CFAP100: variants seen among roughly 807,000 people sequenced by gnomAD.
The protein encoded by CFAP100 is cilia and flagella associated protein 100, also known as cilia- and flagella-associated protein 100.
Under a neutral mutation model 81.5 loss-of-function variants are expected in CFAP100, and 70 were observed. The observed-to-expected ratio is 0.86, with a 90% confidence interval of 0.71 to 1.05. The LOEUF (loss-of-function observed/expected upper bound fraction) is 1.05. CFAP100 is among the 50% of genes least tolerant of loss of function. CFAP100 has a pLI of 0.00. For synonymous variants in CFAP100, 341 were observed against 314.8 expected, an observed-to-expected ratio of 1.08 and a Z score of -0.88; for missense variants, 811 against 776.5, an observed-to-expected ratio of 1.04 and a Z score of -0.53.
chr3:126,405,663 A>AAAATAAAT (rs373212897), intron 2 of CFAP100, among the ~76,000 whole-genome samples: 18,018 of 151,804 alleles, frequency 0.12, 1,425 homozygotes, highest in Non-Finnish European at 0.19. Context: ...ATGCCATCTC[A>AAAATAAAT]AAATAAATAA....
intron 4 of CFAP100, among the ~76,000 whole-genome samples, chr3:126,415,295 C>T (rs1427574158): frequency 6.6e-6 from 1 of 151,488 alleles, no homozygotes; most frequent in Non-Finnish European, 1.5e-5. Flanking sequence ...CCATACCCTC[C>T]CCCACCCAAC....
Position 126,416,365 on chromosome 3 carries a change from C to A in CFAP100, c.275C>A (p.Ser92Tyr). Residue 92 changes from serine (S) to tyrosine (Y), a missense_variant, in exon 5 of 17, where the codon TCC becomes TAC. By Grantham distance (144) the Ser-to-Tyr change is moderately radical. Transcript: ENST00000352312. ...TMRVHQKMTYSSKVSAKHTSL... is the reference protein window; with the variant it reads ...TMRVHQKMTYYSKVSAKHTSL... ...CGGGTGCACCAGAAGATGACCTACTCCTCGAAAGTGTCGGCTAAGCACACC... is the reference window on the plus strand; with the variant it reads ...CGGGTGCACCAGAAGATGACCTACTACTCGAAAGTGTCGGCTAAGCACACC... 2 of 1,611,072 alleles carry A rather than the reference C, an allele frequency of 1.2e-6. No homozygotes were observed. The highest frequency in any genetic ancestry group is 2.2e-5 in the South Asian group (2 of 90,826).
chr3:126,414,245 GC>G, intron 4 of CFAP100, 66 bp downstream of exon 4: 1 of 1,135,422 alleles, frequency 8.8e-7, no homozygotes, highest in Non-Finnish European at 1.3e-6. Flanking sequence ...TCCTGGAGTG[GC>G]CACATTGCCC....
chr3:126,433,046 C>G (rs1319080788), intron 13 of CFAP100, 23 bp from the exon 14 acceptor site: 1 of 1,613,526 alleles, frequency 6.2e-7, no homozygotes, highest in South Asian at 1.1e-5. Context: ...GACTGATGCC[C>G]TGCCGGTTTT....
chr3:126,412,307 TGGACATGCCG>T (rs2083170820), intron 3 of CFAP100, among the ~76,000 whole-genome samples: 1 of 152,292 alleles, frequency 6.6e-6, no homozygotes, highest in African/African-American at 2.4e-5. Flanking sequence ...TGGGCCCACC[TGGACATGCCG>T]GGACAGTTTC....
In CFAP100 at chr3:126,418,654, C is replaced by T. The variant is rs142359829; in HGVS notation, c.530C>T (p.Thr177Met). The T allele has an allele frequency of 2.3e-4, 366 of 1,585,882 alleles. No individual in the cohort carries two copies. The highest frequency in any genetic ancestry group is 2.8e-4 in the Non-Finnish European group (330 of 1,167,510). ...CGGAGAGAGATCCAGCGGCTGGAGACGCTGGCGACCAAAGAGGAGGCCAGG... is the reference window on the plus strand; with the variant it reads ...CGGAGAGAGATCCAGCGGCTGGAGATGCTGGCGACCAAAGAGGAGGCCAGG... Reference protein sequence around the residue: ...VKRREIQRLETLATKEEARLE... With the variant: ...VKRREIQRLEMLATKEEARLE... The change falls in exon 7 of 17, where the codon ACG (threonine) becomes ATG (methionine). Residue 177 changes from threonine (T) to methionine (M), a missense_variant. Thr to Met is a moderately conservative substitution (Grantham distance 81). Coordinates refer to ENST00000352312, the MANE Select transcript of CFAP100 (RefSeq NM_182628.3).
chr3:126,410,574 T>C (rs1295157348), intron 3 of CFAP100, among the ~76,000 whole-genome samples: 1 of 152,090 alleles, frequency 6.6e-6, no homozygotes, highest in Non-Finnish European at 1.5e-5. Flanking sequence ...CCATCTCGGC[T>C]CACTGCAGCC....
chr3:126,433,873 T>TGGGGTGCCC (rs1262909354), intron 14 of CFAP100: 1 of 385,298 alleles, frequency 2.6e-6, no homozygotes, highest in African/African-American at 2.0e-5. Flanking sequence ...CATAGCCCTG[T>TGGGGTGCCC]GGGGTGCCCA....
chr3:126,418,535 G>A lies in CFAP100; in HGVS notation c.486+10G>A, dbSNP rs199713034. ...AATGTTCCTCCTCCAGGTAGGTCCC[G>A]TGGCCCCCAGAGCGATGGATGCCAG... On this transcript the variant is annotated intron_variant, in intron 6 of 16. Transcript: ENST00000352312. 148 of 1,614,016 alleles carry A rather than the reference G, an allele frequency of 9.2e-5. 1 individual carries two copies. The East Asian group carries it at 1.9e-3, about 20-fold the overall frequency.
intron 13 of CFAP100, among the ~76,000 whole-genome samples, chr3:126,425,891 A>G (rs1011693159): frequency 2.6e-5 from 4 of 152,238 alleles, no homozygotes; most frequent in African/African-American, 9.6e-5. Context: ...AATGTGGAAT[A>G]GAAGGGAATT....
rs1023167112 is a variant in CFAP100, at chr3:126,416,319, C to T, written c.229C>T (p.Arg77Trp). The T allele has an allele frequency of 5.1e-6, 8 of 1,581,300 alleles. No individual in the cohort carries two copies. The highest frequency in any genetic ancestry group is 6.0e-6 in the Non-Finnish European group (7 of 1,158,830). Reference protein sequence around the residue: ...DQERNKALSERQQQKTMRVHQ... With the variant: ...DQERNKALSEWQQQKTMRVHQ... ...CGACTTGGCCCGACGCCCCCAGGAA[C>T]GGCAGCAGCAGAAGACGATGCGGGT... The change falls in exon 5 of 17, where the codon CGG becomes TGG. Residue 77 changes from arginine (R) to tryptophan (W), a missense_variant. Arg to Trp is a moderately radical substitution (Grantham distance 101, BLOSUM62 -3). Coordinates refer to ENST00000352312, the MANE Select transcript of CFAP100 (RefSeq NM_182628.3).
rs777930434 is a variant in CFAP100, at chr3:126,423,395, G to A, written c.1134+19G>A. Reference sequence around the variant, plus strand: ...TGGGGAGGTGAATGGCCCAGTGCTGGGCTGGAATTCGGAAGTCGCCCCTCT... The same window carrying A: ...TGGGGAGGTGAATGGCCCAGTGCTGAGCTGGAATTCGGAAGTCGCCCCTCT... On this transcript the variant is annotated intron_variant, in intron 12 of 16. Coordinates refer to ENST00000352312, the MANE Select transcript of CFAP100 (RefSeq NM_182628.3). 1 of 1,612,454 alleles carries A rather than the reference G, an allele frequency of 6.2e-7. No individual in the cohort carries two copies. The highest frequency in any genetic ancestry group is 8.5e-7 in the Non-Finnish European group (1 of 1,179,118).
Position 126,419,725 on chromosome 3 carries a change from G to C in CFAP100, c.820G>C (p.Glu274Gln). Residue 274 changes from glutamate (E) to glutamine (Q), a missense_variant, in exon 9 of 17, where the codon GAA becomes CAA. Coordinates refer to ENST00000352312, the MANE Select transcript of CFAP100 (RefSeq NM_182628.3). ...GCTGTCGCCCAAGGAGTGGCTTGAA[G>C]AACAGGAAAAGAAACACTCGTTTCT... ...YKLSPKEWLE[E>Q]QEKKHSFLKK... The C allele has an allele frequency of 1.2e-6, 2 of 1,614,074 alleles. No individual in the cohort carries two copies. The highest frequency in any genetic ancestry group is 1.7e-6 in the Non-Finnish European group (2 of 1,180,042).
Position 126,418,717 on chromosome 3 carries a change from C to T in CFAP100, c.593C>T (p.Ala198Val). The T allele has an allele frequency of 1.9e-6, 3 of 1,594,166 alleles. No homozygotes were observed. The highest frequency in any genetic ancestry group is 2.6e-6 in the Non-Finnish European group (3 of 1,170,870). ...RAEKSLEKDA[A>V]LFDEFVREND... ...GAGAAATCCCTGGAGAAGGACGCCG[C>T]CTTGTTCGACGAGTTCGTCAGGGAG... The change falls in exon 7 of 17, where the codon GCC (alanine) becomes GTC (valine). Residue 198 changes from alanine (A) to valine (V), a missense_variant. Coordinates refer to ENST00000352312, the MANE Select transcript of CFAP100 (RefSeq NM_182628.3).
At chr3:126,404,539 G>A (rs1038915362) in intron 2 of CFAP100, among the ~76,000 whole-genome samples, 3 of 152,196 alleles carry the variant, frequency 2.0e-5, no homozygotes, top group Non-Finnish European at 4.4e-5. Flanking sequence ...AGATGCAACT[G>A]TCATGGGGTC....
chr3:126,419,045 C>T (rs1339001312), intron 7 of CFAP100, 31 bp from the exon 8 acceptor site: 2 of 858,120 alleles, frequency 2.3e-6, no homozygotes, highest in African/African-American at 3.4e-5. Flanking sequence ...CCCTTGCCCC[C>T]ATCCCTCCTC....
At chr3:126,396,234 T>TG (rs2082887149) in intron 2 of CFAP100, among the ~76,000 whole-genome samples, 185 bp downstream of exon 2, 1 of 152,164 alleles carries the variant, frequency 6.6e-6, no homozygotes, top group Non-Finnish European at 1.5e-5. Flanking sequence ...CACCACAAAC[T>TG]GGGGGGCTGG....
intron 12 of CFAP100, 24 bp downstream of exon 12, chr3:126,423,400 GA>G: frequency 6.2e-7 from 1 of 1,611,600 alleles, no homozygotes; most frequent in South Asian, 1.1e-5. Flanking sequence ...TGCTGGGCTG[GA>G]ATTCGGAAGT....
chr3:126,406,013 T>C (rs1216173537), intron 2 of CFAP100, among the ~76,000 whole-genome samples: 1 of 152,204 alleles, frequency 6.6e-6, no homozygotes, highest in Non-Finnish European at 1.5e-5. Context: ...CAGTGGTATC[T>C]TCTGATTTAT....
Sources: allele counts gnomAD v4.1 joint callset (sites outside exome capture counted in the v4.1 genomes callset), GRCh38; gene constraint gnomAD v4.1.1; transcripts MANE v1.5; gene names NCBI Gene and HGNC (gene_info 2026-07-23, HGNC 2026-07-21).